Variants in DDX11 observed in about 807,000 individuals in gnomAD.
The protein encoded by DDX11 is DEAD/H-box helicase 11.
Under a neutral mutation model 125.2 loss-of-function variants are expected in DDX11, and 72 were observed. The observed-to-expected ratio is 0.58, with a 90% CI of 0.48 to 0.70. The LOEUF (loss-of-function observed/expected upper bound fraction) is 0.70. Among genes scored for constraint, DDX11 ranks in the 30% least tolerant of loss-of-function variants. The probability of loss-of-function intolerance (pLI) is 0.00; values close to 1 mark genes in which losing one functional copy is unlikely to be tolerated. For synonymous variants in DDX11, 347 were observed against 452.6 expected (o/e 0.77, Z 2.96); for missense variants, 883 against 1,165.0 (o/e 0.76, Z 3.52).
rs771697286 is a variant in DDX11, at chr12:31,102,501, G to A, written c.2346G>A (p.Gly782=). The A allele has an allele frequency of 3.7e-6, 6 of 1,613,846 alleles. No homozygotes were observed. Among genetic ancestry groups the A allele is most frequent in the Non-Finnish European group, 5.1e-6 (6 of 1,179,850 alleles). Reference sequence around the variant, plus strand: ...TGGTTGGAGGAAAGATGAGTGAAGGGATCAACTTCTCTGACAACCTAGGCC... The same window carrying A: ...TGGTTGGAGGAAAGATGAGTGAAGGAATCAACTTCTCTGACAACCTAGGCC... ...LSVVGGKMSE[G]INFSDNLGRC... The change falls in exon 23 of 27, where the codon GGG becomes GGA. Residue 782 remains glycine, a synonymous_variant. Coordinates refer to ENST00000542838, the MANE Select transcript of DDX11 (RefSeq NM_030653.4).
chr12:31,082,473 A>G (rs1026929400), intron 2 of DDX11, among the ~76,000 whole-genome samples: 24 of 152,036 alleles, frequency 1.6e-4, no homozygotes, highest in Admixed American at 1.4e-3. Flanking sequence ...CTGGCTGTGG[A>G]GTTTGAGACT....
At chr12:31,085,895 A>C (rs1478617908) in intron 5 of DDX11, 1 of 374,346 alleles carries the variant, frequency 2.7e-6, no homozygotes, top group African/African-American at 2.1e-5. Flanking sequence ...GGGGGGCTGC[A>C]CCTGATGATG....
chr12:31,077,844 GAAAAAA>G (rs368776702), intron 1 of DDX11: 1 of 172,862 alleles, frequency 5.8e-6, no homozygotes, highest in Non-Finnish European at 1.2e-5. Context: ...ACTCTGTCTC[GAAAAAA>G]AAAAAAAAAA....
chr12:31,092,726 C>A, intron 10 of DDX11, 120 bp from the exon 11 acceptor site: 2 of 1,050,530 alleles, frequency 1.9e-6, no homozygotes, highest in South Asian at 2.7e-5. Flanking sequence ...AGCCAGCCCC[C>A]TCTCCTCCCT....
chr12:31,084,222 CTG>C (rs1038023412), intron 3 of DDX11, among the ~76,000 whole-genome samples, 161 bp downstream of exon 3: 2 of 152,190 alleles, frequency 1.3e-5, no homozygotes, highest in Non-Finnish European at 2.9e-5. Flanking sequence ...TGCCGCTGTG[CTG>C]TCTTTTTTGA....
Position 31,087,927 on chromosome 12 carries a change from C to G in DDX11, c.639-11C>G, listed in dbSNP as rs1479090455. 1.9e-6 allele frequency: 3 copies of G among 1,606,900 alleles called. No homozygotes were observed. The highest frequency in any genetic ancestry group is 2.7e-5 in the African/African-American group (2 of 73,674). ...GGGAAGACTGTTTTCTGTTCTCTCT[C>G]ACACACACAGAGTGGATGAGGATGA... On this transcript the variant is annotated splice_polypyrimidine_tract_variant and intron_variant, in intron 5 of 26. Coordinates refer to ENST00000542838, the MANE Select transcript of DDX11 (RefSeq NM_030653.4).
In DDX11 at chr12:31,103,370, C is replaced by T; in HGVS notation, c.2511C>T (p.Cys837=). ...GGAAGGCTCTGGTGGAGAACCTGTG[C>T]ATGAAGGCCGTCAACCAGTCCATAG... The part of the protein sequence containing the change: ...PPGKALVENL[C]MKAVNQSIGR... Residue 837 remains cysteine, a synonymous_variant, in exon 25 of 27, where the codon TGC becomes TGT. Transcript: ENST00000542838. 1 of 1,610,408 alleles carries T rather than the reference C, an allele frequency of 6.2e-7. No individual in the cohort carries two copies. The highest frequency in any genetic ancestry group is 8.5e-7 in the Non-Finnish European group (1 of 1,179,166).
chr12:31,092,155 C>A (rs1047964864), intron 10 of DDX11, among the ~76,000 whole-genome samples: 1 of 152,176 alleles, frequency 6.6e-6, no homozygotes, highest in African/African-American at 2.4e-5. Flanking sequence ...AGGGAGATGG[C>A]ATGTGTGAGG....
intron 9 of DDX11, 108 bp downstream of exon 9, chr12:31,090,202 C>T (rs1336550524): frequency 1.1e-6 from 1 of 872,500 alleles, no homozygotes; most frequent in African/African-American, 1.7e-5. Context: ...CCACCGTGGT[C>T]AGGTTGATGG....
chr12:31,096,478 G>C, intron 15 of DDX11, 99 bp downstream of exon 15: 1 of 1,609,808 alleles, frequency 6.2e-7, no homozygotes, highest in Non-Finnish European at 8.5e-7. Context: ...GAACTCCAGA[G>C]TCCCCTTCGT....
intron 1 of DDX11, 105 bp from the exon 2 acceptor site, chr12:31,078,285 T>C: frequency 6.2e-7 from 1 of 1,609,648 alleles, no homozygotes; most frequent in Non-Finnish European, 8.5e-7. Flanking sequence ...AAAGGAGAAA[T>C]TTGGTAATAA....
intron 1 of DDX11, chr12:31,077,826 A>AGAGT: frequency 5.1e-6 from 1 of 195,886 alleles, no homozygotes; most frequent in Non-Finnish European, 1.0e-5. Flanking sequence ...CCTGGGCGAC[A>AGAGT]GAGTGAGACT....
rs879117266 is a variant in DDX11 at position 31,084,868 on chromosome 12, A to G, written c.481-101A>G. The G allele has an allele frequency of 1.2e-5, 18 of 1,454,100 alleles. No individual in the cohort carries two copies. In the East Asian group the frequency reaches 1.5e-4, roughly 12 times the overall value. The allele number at this position is 1,454,100 out of a possible 1,614,324, so 90.1% of individuals were successfully genotyped here. ...TCTCTCCAGCCAGGCAGCCAGGCCT[A>G]TGTGAATGGGGCGTGGTGTGCTTTG... is the stretch of plus-strand genomic sequence containing the variant. On this transcript the variant is annotated intron_variant, in intron 4 of 26. Coordinates refer to ENST00000542838, the MANE Select transcript of DDX11 (RefSeq NM_030653.4).
chr12:31,103,838 G>A lies in DDX11; in HGVS notation c.*2G>A. ...CGGGAGAAGTCGGCCTCTTCCTGATGGGCAACCACACCACTGCCTGGCGCC... is the reference window on the plus strand; with the variant it reads ...CGGGAGAAGTCGGCCTCTTCCTGATAGGCAACCACACCACTGCCTGGCGCC... On this transcript the variant is annotated 3_prime_UTR_variant, in exon 27 of 27. Coordinates refer to ENST00000542838, the MANE Select transcript of DDX11 (RefSeq NM_030653.4). 6.2e-7 allele frequency: 1 copy of A among 1,613,884 alleles called. No homozygotes were observed. The highest frequency in any genetic ancestry group is 8.5e-7 in the Non-Finnish European group (1 of 1,179,856).
chr12:31,092,822 G>C (rs1944470389), intron 10 of DDX11, 24 bp from the exon 11 acceptor site: 1 of 1,612,962 alleles, frequency 6.2e-7, no homozygotes, highest in South Asian at 1.1e-5. Flanking sequence ...CTTGCTCAGA[G>C]CCTGGTTTGT....
Position 31,085,131 on chromosome 12 carries a change from G to A in DDX11, c.638+5G>A. 6.4e-7 allele frequency: 1 copy of A among 1,555,976 alleles called. No homozygotes were observed. The highest frequency in any genetic ancestry group is 8.7e-7 in the Non-Finnish European group (1 of 1,149,994). ...GGAGAAAAAGGTGGCGAGCAGGTGA[G>A]ACAGAGGCGGTAGCACTACCCTGCC... is the stretch of plus-strand genomic sequence containing the variant. On this transcript the variant is annotated splice_donor_5th_base_variant and intron_variant, in intron 5 of 26. Transcript: ENST00000542838.
intron 16 of DDX11, 47 bp downstream of exon 16, chr12:31,096,792 A>G (rs1945321676): frequency 6.8e-6 from 11 of 1,614,196 alleles, no homozygotes; most frequent in Non-Finnish European, 7.6e-6. Flanking sequence ...CGCATGGGCA[A>G]GGACTTCTGT....
At chr12:31,097,702 G>A (rs1333727756) in intron 17 of DDX11, among the ~76,000 whole-genome samples, 183 bp from the exon 18 acceptor site, 1 of 147,382 alleles carries the variant, frequency 6.8e-6, no homozygotes, top group Non-Finnish European at 1.5e-5. Flanking sequence ...AAAAAAGGAT[G>A]GAGAGGACAG....
intron 1 of DDX11, among the ~76,000 whole-genome samples, chr12:31,075,812 C>T (rs919831128): frequency 1.3e-5 from 2 of 152,088 alleles, no homozygotes; most frequent in African/African-American, 4.8e-5. Flanking sequence ...ACGTATATTC[C>T]AGTGAGGAAG....
Sources: allele counts gnomAD v4.1 joint callset (sites outside exome capture counted in the v4.1 genomes callset), GRCh38; gene constraint gnomAD v4.1.1; transcripts MANE v1.5; gene names NCBI Gene and HGNC (gene_info 2026-07-23, HGNC 2026-07-21).